FAM76A: variants seen among roughly 807,000 people sequenced by gnomAD.
FAM76A encodes the protein family with sequence similarity 76 member A, also known as protein FAM76A.
A neutral mutation model predicts 46.2 loss-of-function variants in FAM76A; 32 were observed. The ratio of observed to expected loss-of-function variants is 0.69; its 90% CI spans 0.52 to 0.93. The LOEUF (loss-of-function observed/expected upper bound fraction) is 0.93, where lower values mean the gene tolerates loss of function less well. Among genes scored for constraint, FAM76A ranks in the 40% least tolerant of loss-of-function variants. The pLI is 0.00. For missense variants in FAM76A, 274 were observed against 361.5 expected, an observed-to-expected ratio of 0.76 and a Z score of 1.96; for synonymous variants, 137 against 127.0, an observed-to-expected ratio of 1.08 and a Z score of -0.53.
At position 27,733,926 on chromosome 1, in the gene FAM76A, T is replaced by C. The variant is rs542438042; in HGVS notation, c.202-105T>C. On this transcript the variant is annotated intron_variant, in intron 3 of 8. Transcript: ENST00000373954. ...GCAGATTTATGAAGTCGGCAATACA[T>C]TTGTACCATGACTAATGAACTACAA... 859 of 1,120,394 alleles carry C rather than the reference T, an allele frequency of 7.7e-4. 14 individuals carry two copies. In the South Asian group the frequency reaches 9.8e-3, roughly 13 times the overall value. 69.4% of individuals were successfully genotyped at this position (1,120,394 alleles called of 1,614,324 possible).
chr1:27,758,217 A>G (rs2088447002), intron 7 of FAM76A, among the ~76,000 whole-genome samples: 1 of 152,232 alleles, frequency 6.6e-6, no homozygotes, highest in Non-Finnish European at 1.5e-5. Flanking sequence ...GAAGAGGTTA[A>G]TATGTCCAAA....
chr1:27,741,510 A>G (rs2088152818), intron 4 of FAM76A, among the ~76,000 whole-genome samples: 1 of 152,120 alleles, frequency 6.6e-6, no homozygotes, highest in East Asian at 1.9e-4. Context: ...ACAAACAGAA[A>G]TGTGTCTTAA....
Position 27,739,915 on chromosome 1 carries a change from A to G in FAM76A, c.355-4739A>G, listed in dbSNP as rs530837146. ...AACCATTGGGTTTTAAGGAGAGAAGATGGACTCATAGGGTAACTTACCCTT... is the reference window on the plus strand; with the variant it reads ...AACCATTGGGTTTTAAGGAGAGAAGGTGGACTCATAGGGTAACTTACCCTT... On this transcript the variant is annotated intron_variant, in intron 4 of 8. Coordinates refer to ENST00000373954, the MANE Select transcript of FAM76A (RefSeq NM_152660.3). The G allele has an allele frequency of 6.7e-5, 14 of 208,878 alleles. No individual in the cohort carries two copies. The South Asian group carries it at 1.2e-3, about 17-fold the overall frequency. 12.9% of individuals were successfully genotyped at this position (208,878 alleles called of 1,614,324 possible).
Position 27,762,455 on chromosome 1 carries a change from C to T in FAM76A, c.*1874C>T, listed in dbSNP as rs1414362226. ...TATAGTACTAAATTTAACTTCTAGG[C>T]GTTTCCTGGAAGCAGATGCTCTATA... is the stretch of plus-strand genomic sequence containing the variant. On this transcript the variant is annotated 3_prime_UTR_variant, in exon 9 of 9. Transcript: ENST00000373954. 4 of 152,112 alleles carry T rather than the reference C, an allele frequency of 2.6e-5. No individual in the cohort carries two copies. Among genetic ancestry groups the T allele is most frequent in the African/African-American group, 4.8e-5 (2 of 41,396 alleles). The allele number at this position is 152,112 out of a possible 1,614,324, so 9.4% of individuals were successfully genotyped here.
intron 4 of FAM76A, among the ~76,000 whole-genome samples, chr1:27,739,675 C>T (rs1409261821): frequency 1.3e-5 from 2 of 152,100 alleles, no homozygotes; most frequent in Admixed American, 6.6e-5. Context: ...GTAGTCTCGG[C>T]TACTTGGGAG....
chr1:27,733,911 G>A (rs2087999908), intron 3 of FAM76A, 120 bp from the exon 4 acceptor site: 1 of 948,024 alleles, frequency 1.1e-6, no homozygotes, highest in Non-Finnish European at 1.6e-6. Flanking sequence ...GCAGATTTAT[G>A]AAGTCGGCAA....
intron 4 of FAM76A, among the ~76,000 whole-genome samples, chr1:27,736,463 G>A (rs1436086241): frequency 6.6e-6 from 1 of 152,226 alleles, no homozygotes; most frequent in Non-Finnish European, 1.5e-5. Flanking sequence ...GGGATGATCA[G>A]ATCTTAGTGC....
chr1:27,744,669 C>T lies in FAM76A; in HGVS notation c.370C>T (p.Leu124=). 1 of 1,613,852 alleles carries T rather than the reference C, an allele frequency of 6.2e-7. No individual in the cohort carries two copies. Among genetic ancestry groups the T allele is most frequent in the Non-Finnish European group, 8.5e-7 (1 of 1,179,876 alleles). Reference sequence around the variant, plus strand: ...TGTCTTTCAGGTAGATGGGAAATTGCTGTGCTGGCTGTGCACACTTTCATA... The same window carrying T: ...TGTCTTTCAGGTAGATGGGAAATTGTTGTGCTGGCTGTGCACACTTTCATA... ...DDRKKVDGKL[L]CWLCTLSYKR... is the part of the protein sequence containing the mutation. The change falls in exon 5 of 9, where the codon CTG becomes TTG. Residue 124 remains leucine, a synonymous_variant. Transcript: ENST00000373954.
chr1:27,756,234 C>T (rs190637046), intron 7 of FAM76A, among the ~76,000 whole-genome samples: 1 of 152,332 alleles, frequency 6.6e-6, no homozygotes, highest in Admixed American at 6.5e-5. Flanking sequence ...TGTGCTTCCA[C>T]TGCTGACAAC....
At chr1:27,737,868 C>CAAAAAAAAAAAAAAAAA (rs71571865) in intron 4 of FAM76A, among the ~76,000 whole-genome samples, 40 of 62,708 alleles carry the variant, frequency 6.4e-4, no homozygotes, top group East Asian at 2.4e-3. Flanking sequence ...ACAACAACAA[C>CAAAAAAAAAAAAAAAAA]AAAAAAAAAA....
At chr1:27,744,160 C>T (rs547872656) in intron 4 of FAM76A, among the ~76,000 whole-genome samples, 2 of 152,160 alleles carry the variant, frequency 1.3e-5, no homozygotes, top group South Asian at 4.2e-4. Flanking sequence ...GATGGAGTCA[C>T]GCTCTGTTGC....
chr1:27,755,963 A>G (rs1447441390), intron 7 of FAM76A, among the ~76,000 whole-genome samples: 1 of 152,232 alleles, frequency 6.6e-6, no homozygotes, highest in Non-Finnish European at 1.5e-5. Context: ...AGCATGTAAC[A>G]AACAGTACAC....
intron 4 of FAM76A, among the ~76,000 whole-genome samples, chr1:27,737,868 C>CAAAAAAAAAAAAAAAAAAA (rs71571865): frequency 1.1e-3 from 69 of 62,660 alleles, no homozygotes; most frequent in Non-Finnish European, 1.7e-3. Flanking sequence ...ACAACAACAA[C>CAAAAAAAAAAAAAAAAAAA]AAAAAAAAAA....
chr1:27,727,906 C>T (rs1372969146), intron 2 of FAM76A, among the ~76,000 whole-genome samples: 1 of 144,446 alleles, frequency 6.9e-6, no homozygotes, highest in African/African-American at 2.5e-5. Context: ...CTCCCAGGTT[C>T]AAGCGATTCT....
chr1:27,755,139 TAG>T, intron 6 of FAM76A, 54 bp from the exon 7 acceptor site: 1 of 1,600,842 alleles, frequency 6.2e-7, no homozygotes. Flanking sequence ...CATCCTCAGG[TAG>T]AGAAAAGTTT....
chr1:27,736,968 C>A (rs183364586), intron 4 of FAM76A, among the ~76,000 whole-genome samples: 18 of 151,228 alleles, frequency 1.2e-4, no homozygotes, highest in African/African-American at 4.4e-4. Context: ...TTGTTTGAGA[C>A]GGAGTTTCGC....
chr1:27,735,350 C>T (rs1308994454), intron 4 of FAM76A, among the ~76,000 whole-genome samples: 4 of 152,148 alleles, frequency 2.6e-5, no homozygotes, highest in South Asian at 2.1e-4. Context: ...TTGTCCACCC[C>T]GACTAGAATG....
rs2088007278 is a variant in FAM76A, at chr1:27,734,241, A to G, written c.354+58A>G. The G allele has an allele frequency of 5.2e-6, 8 of 1,528,780 alleles. No homozygotes were observed. In the South Asian group the frequency reaches 6.4e-5, roughly 12 times the overall value. The allele number at this position is 1,528,780 out of a possible 1,614,324, so 94.7% of individuals were successfully genotyped here. Reference sequence around the variant, plus strand: ...CCTTTCAGAGAAATTAAGGTGGACTAACTGTGTTAAAAACACATTTAATAG... The same window carrying G: ...CCTTTCAGAGAAATTAAGGTGGACTGACTGTGTTAAAAACACATTTAATAG... On this transcript the variant is annotated intron_variant, in intron 4 of 8. Coordinates refer to ENST00000373954, the MANE Select transcript of FAM76A (RefSeq NM_152660.3).
At position 27,727,554 on chromosome 1, in the gene FAM76A, A is replaced by G. The variant is rs1557772496; in HGVS notation, c.146+18A>G. On this transcript the variant is annotated intron_variant, in intron 2 of 8. Coordinates refer to ENST00000373954, the MANE Select transcript of FAM76A (RefSeq NM_152660.3). ...CAGGAGAGGTAGAGTTTTGTTGACC[A>G]TGAAAGATATTAATAGGCTTTTTTC... 1 of 1,601,762 alleles carries G rather than the reference A, an allele frequency of 6.2e-7. No homozygotes were observed. The highest frequency in any genetic ancestry group is 1.3e-5 in the African/African-American group (1 of 74,760).
Sources: allele counts gnomAD v4.1 joint callset (sites outside exome capture counted in the v4.1 genomes callset), GRCh38; gene constraint gnomAD v4.1.1; transcripts MANE v1.5; gene names NCBI Gene and HGNC (gene_info 2026-07-23, HGNC 2026-07-21).